EYS: variants seen among roughly 807,000 people sequenced by gnomAD.
EYS encodes the protein protein eyes shut homolog.
Under a neutral mutation model 282.1 loss-of-function variants are expected in EYS, and 250 were observed. The observed-to-expected ratio is 0.89, with a 90% CI of 0.80 to 0.98. The LOEUF is 0.98. Ranked by LOEUF, EYS falls within the 50% of genes least tolerant of loss-of-function variation. EYS has a pLI of 0.00. For synonymous variants in EYS, 1,355 were observed against 1,282.9 expected, an observed-to-expected ratio of 1.06 and a Z score of -1.20; for missense variants, 4,016 against 3,709.0, an observed-to-expected ratio of 1.08 and a Z score of -2.15.
chr6:64,651,597 C>T (rs567101934), intron 22 of EYS, among the ~76,000 whole-genome samples: 3 of 152,182 alleles, frequency 2.0e-5, no homozygotes, highest in East Asian at 3.9e-4. Context: ...ACGGGAGAAT[C>T]GCTTGAACCC....
chr6:65,337,026 C>T (rs1416763102), intron 10 of EYS, among the ~76,000 whole-genome samples: 1 of 151,334 alleles, frequency 6.6e-6, no homozygotes, highest in African/African-American at 2.4e-5. Flanking sequence ...TGGTTCATAG[C>T]CAACAAGTTA....
chr6:64,446,419 A>G (rs1032319592), intron 26 of EYS, among the ~76,000 whole-genome samples: 2 of 152,160 alleles, frequency 1.3e-5, no homozygotes, highest in African/African-American at 4.8e-5. Context: ...ATGTGTGTAT[A>G]TATAGAAAAT....
intron 29 of EYS, among the ~76,000 whole-genome samples, chr6:64,358,262 C>T (rs1771895290): frequency 2.0e-5 from 3 of 151,604 alleles, no homozygotes; most frequent in Non-Finnish European, 4.4e-5. Flanking sequence ...ATCTGAAAGG[C>T]TCTTTCACCA....
At chr6:64,403,626 G>C (rs62418115) in intron 28 of EYS, among the ~76,000 whole-genome samples, 3 of 152,098 alleles carry the variant, frequency 2.0e-5, no homozygotes, top group Non-Finnish European at 4.4e-5. Flanking sequence ...CAAAGTGCTG[G>C]GATTACAGGC....
intron 31 of EYS, among the ~76,000 whole-genome samples, chr6:64,109,192 C>T (rs1773127336): frequency 6.6e-6 from 1 of 152,070 alleles, no homozygotes; most frequent in Non-Finnish European, 1.5e-5. Context: ...ACTCTGTAAA[C>T]ATTAATTATT....
intron 30 of EYS, among the ~76,000 whole-genome samples, chr6:64,265,337 C>T (rs1767721587): frequency 6.6e-6 from 1 of 152,156 alleles, no homozygotes; most frequent in African/African-American, 2.4e-5. Flanking sequence ...TATGTTGACA[C>T]AACTGCTAGG....
chr6:63,809,046 T>G (rs1323137072), intron 36 of EYS, among the ~76,000 whole-genome samples: 1 of 152,202 alleles, frequency 6.6e-6, no homozygotes, highest in Non-Finnish European at 1.5e-5. Context: ...GTTCTTCCTC[T>G]AAACCGTTAG....
At position 64,165,158 on chromosome 6, in the gene EYS, C is replaced by G. The variant is rs60825538; in HGVS notation, c.6424+65434G>C. On this transcript the variant is annotated intron_variant, in intron 31 of 42. Transcript: ENST00000503581. ...CAAATATGTGTAGTTCTTTTTATAT[C>G]AATTATACCTCAATAAATCTGTTAA... is the stretch of plus-strand genomic sequence containing the variant. Among the ~76,000 whole-genome samples the G allele has an allele frequency of 4.7e-3, 707 of 152,004 alleles. 5 individuals carry two copies. Among genetic ancestry groups the G allele is most frequent in the African/African-American group, 0.016 (676 of 41,490 alleles).
intron 26 of EYS, among the ~76,000 whole-genome samples, chr6:64,498,744 G>A (rs182969190): frequency 3.2e-4 from 48 of 151,928 alleles, no homozygotes; most frequent in African/African-American, 1.1e-3. Flanking sequence ...GTGTTAGTTT[G>A]CTGAGGATGA....
At chr6:64,164,205 G>A (rs113879517) in intron 31 of EYS, among the ~76,000 whole-genome samples, 3,909 of 152,132 alleles carry the variant, frequency 0.026, 157 homozygotes, top group African/African-American at 0.089. Context: ...TTGCTAAAGG[G>A]CAATATCTTA....
intron 33 of EYS, among the ~76,000 whole-genome samples, chr6:64,058,772 T>C (rs1771068311): frequency 6.6e-6 from 1 of 152,346 alleles, no homozygotes; most frequent in Admixed American, 6.5e-5. Flanking sequence ...AGTGGTAAAC[T>C]ATACACATTT....
chr6:64,232,357 A>T (rs1183568901), intron 30 of EYS, among the ~76,000 whole-genome samples: 1 of 151,716 alleles, frequency 6.6e-6, no homozygotes, highest in Non-Finnish European at 1.5e-5. Flanking sequence ...TTTTTTGTAA[A>T]TATGCAATGT....
intron 12 of EYS, among the ~76,000 whole-genome samples, chr6:65,239,898 A>C (rs1767014306): frequency 1.3e-5 from 2 of 152,178 alleles, no homozygotes; most frequent in African/African-American, 2.4e-5. Context: ...TCTGTTAAGA[A>C]ACTAACATTA....
At chr6:65,453,924 G>A (rs7743856) in intron 5 of EYS, among the ~76,000 whole-genome samples, 16,470 of 151,460 alleles carry the variant, frequency 0.11, 1,379 homozygotes, top group African/African-American at 0.22. Context: ...TCATCCATTC[G>A]TCCCTTGTTG....
At chr6:63,902,619 A>C (rs970929558) in intron 35 of EYS, among the ~76,000 whole-genome samples, 3 of 152,200 alleles carry the variant, frequency 2.0e-5, no homozygotes, top group Non-Finnish European at 4.4e-5. Context: ...GCTATAAAAG[A>C]GAAAAGTTTA....
At chr6:65,615,075 G>A (rs777066487) in intron 2 of EYS, among the ~76,000 whole-genome samples, 7 of 152,126 alleles carry the variant, frequency 4.6e-5, no homozygotes, top group Non-Finnish European at 8.8e-5. Flanking sequence ...CAATCATCGT[G>A]TTTGCTATTT....
rs527678770 is a variant in EYS at position 64,025,989 on chromosome 6, A to G, written c.6726-26806T>C. Among the ~76,000 whole-genome samples, 7 of 152,328 alleles carry G rather than the reference A, an allele frequency of 4.6e-5. No individual in the cohort carries two copies. In the South Asian group the frequency reaches 8.3e-4, roughly 18 times the overall value. On this transcript the variant is annotated intron_variant, in intron 33 of 42. Transcript: ENST00000503581. ...CTCCTTGTGGTCTAGGGGACAGGCA[A>G]GGGTGCAGGTTTTTTAGAATGCCTC...
chr6:64,403,978 T>G (rs1773621931), intron 28 of EYS, among the ~76,000 whole-genome samples: 1 of 152,214 alleles, frequency 6.6e-6, no homozygotes, highest in African/African-American at 2.4e-5. Flanking sequence ...TGGGAGCTTG[T>G]GTAGGGCTTA....
At chr6:64,648,872 T>A (rs1445509008) in intron 22 of EYS, among the ~76,000 whole-genome samples, 1 of 152,192 alleles carries the variant, frequency 6.6e-6, no homozygotes, top group African/African-American at 2.4e-5. Context: ...GAGTTTAATA[T>A]CTTAATTGTG....
Sources: allele counts gnomAD v4.1 joint callset (sites outside exome capture counted in the v4.1 genomes callset), GRCh38; gene constraint gnomAD v4.1.1; transcripts MANE v1.5; gene names NCBI Gene and HGNC (gene_info 2026-07-23, HGNC 2026-07-21).